ELOVL6: variants seen among roughly 807,000 people sequenced by gnomAD.
ELOVL6 encodes ELOVL fatty acid elongase 6.
In ELOVL6, 8 loss-of-function variants were observed where a neutral mutation model predicts 31.7. That is an observed-to-expected ratio of 0.25 (90% CI 0.15 to 0.45). ELOVL6 has a LOEUF of 0.45. Among genes scored for constraint, ELOVL6 ranks in the 20% least tolerant of loss-of-function variants. The pLI, the probability that ELOVL6 is intolerant of heterozygous loss-of-function variation, is 1.00. For missense variants in ELOVL6, 126 were observed against 326.4 expected, an observed-to-expected ratio of 0.39 and a Z score of 4.73; for synonymous variants, 101 against 117.7, an observed-to-expected ratio of 0.86 and a Z score of 0.92.
intron 1 of ELOVL6, among the ~76,000 whole-genome samples, chr4:110,195,594 G>A (rs1314701364): frequency 1.3e-5 from 2 of 152,048 alleles, no homozygotes; most frequent in East Asian, 3.9e-4. Flanking sequence ...CAAGGGAGGG[G>A]TAACAGCCAG....
At chr4:110,070,760 T>C (rs1259614906) in intron 2 of ELOVL6, among the ~76,000 whole-genome samples, 1 of 152,168 alleles carries the variant, frequency 6.6e-6, no homozygotes, top group Non-Finnish European at 1.5e-5. Context: ...TTCCTCTTTC[T>C]TCGGCCAGTA....
chr4:110,193,624 T>C (rs1470975313), intron 1 of ELOVL6, among the ~76,000 whole-genome samples: 3 of 151,998 alleles, frequency 2.0e-5, no homozygotes, highest in East Asian at 3.9e-4. Flanking sequence ...CAAAATAAAA[T>C]AAAATGTTTC....
At chr4:110,098,478 A>G (rs1756653273) in intron 2 of ELOVL6, among the ~76,000 whole-genome samples, 1 of 152,120 alleles carries the variant, frequency 6.6e-6, no homozygotes, top group Non-Finnish European at 1.5e-5. Context: ...CCATTTTGTA[A>G]TAACATGTTG....
rs1341836228 is a variant in ELOVL6 at position 110,084,580 on chromosome 4, ATATATATATTTTTTT to A, written c.221+20902_221+20916del. On this transcript the variant is annotated intron_variant, in intron 2 of 3. Coordinates refer to ENST00000302274, the MANE Select transcript of ELOVL6 (RefSeq NM_024090.3). ...CACACACAGATATATATATATATAT[ATATATATATTTTTTT>A]TTTTTTTTTTTTTTTTTGAGATGGA... Among the ~76,000 whole-genome samples, 17 of 55,326 alleles carry A rather than the reference ATATATATATTTTTTT, an allele frequency of 3.1e-4. 2 individuals are homozygous for A. Among genetic ancestry groups the A allele is most frequent in the African/African-American group, 1.8e-3 (13 of 7,270 alleles). The allele number at this position is 55,326 out of a possible 152,430, so 36.3% of individuals were successfully genotyped here.
chr4:110,123,057 A>G (rs549818476), intron 1 of ELOVL6, among the ~76,000 whole-genome samples: 10 of 152,214 alleles, frequency 6.6e-5, no homozygotes, highest in Non-Finnish European at 1.2e-4. Flanking sequence ...TACAGATTGT[A>G]TCTTACTCAA....
chr4:110,069,870 C>A (rs1291195391), intron 2 of ELOVL6, among the ~76,000 whole-genome samples: 1 of 152,088 alleles, frequency 6.6e-6, no homozygotes, highest in Non-Finnish European at 1.5e-5. Flanking sequence ...TCCTAGCTCC[C>A]CAGCTGTGGA....
Position 110,048,705 on chromosome 4 carries a change from TG to T in ELOVL6, c.*2632del, listed in dbSNP as rs1560795432. On this transcript the variant is annotated 3_prime_UTR_variant, in exon 4 of 4. Transcript: ENST00000302274. ...ATATTACCAAAATTTTGTTTTGTTT[TG>T]TTTTGTTTTAAAAAAAATGTGGCTT... The T allele has an allele frequency of 9.3e-6, 1 of 107,242 alleles. No individual in the cohort carries two copies. The highest frequency in any genetic ancestry group is 2.7e-4 in the East Asian group (1 of 3,656). The allele number at this position is 107,242 out of a possible 1,614,324, so 6.6% of individuals were successfully genotyped here.
At chr4:110,072,827 A>C (rs2126227726) in intron 2 of ELOVL6, among the ~76,000 whole-genome samples, 1 of 152,280 alleles carries the variant, frequency 6.6e-6, no homozygotes, top group South Asian at 2.1e-4. Context: ...CCTGTTCCTC[A>C]AAGGCAGCCT....
chr4:110,084,169 A>ATATATGATATATATAACATATAACT (rs1373698876), intron 2 of ELOVL6, among the ~76,000 whole-genome samples: 472 of 43,064 alleles, frequency 0.011, 50 homozygotes, highest in African/African-American at 0.055. Context: ...TATATGTGAT[A>ATATATGATATATATAACATATAACT]TATATGATAT....
intron 1 of ELOVL6, among the ~76,000 whole-genome samples, chr4:110,153,625 T>A (rs1758339261): frequency 6.6e-6 from 1 of 152,240 alleles, no homozygotes; most frequent in Non-Finnish European, 1.5e-5. Flanking sequence ...ACCCTTTATG[T>A]AAATCCCATT....
intron 2 of ELOVL6, among the ~76,000 whole-genome samples, chr4:110,099,714 G>A (rs1462741445): frequency 6.6e-6 from 1 of 152,180 alleles, no homozygotes; most frequent in Non-Finnish European, 1.5e-5. Flanking sequence ...AGAAAACACT[G>A]CCAGACAGGT....
At chr4:110,058,737 T>C (rs978799278) in intron 3 of ELOVL6, among the ~76,000 whole-genome samples, 2 of 152,178 alleles carry the variant, frequency 1.3e-5, no homozygotes, top group African/African-American at 2.4e-5. Flanking sequence ...TTGCAATTGA[T>C]ATCTTTTGAA....
intron 1 of ELOVL6, among the ~76,000 whole-genome samples, chr4:110,155,122 T>C (rs1162560721): frequency 6.6e-6 from 1 of 152,202 alleles, no homozygotes; most frequent in African/African-American, 2.4e-5. Flanking sequence ...TTAGCAAATT[T>C]GGGGCATAAC....
chr4:110,089,802 A>G lies in ELOVL6; in HGVS notation c.221+15695T>C, dbSNP rs1052563548. The stretch of plus-strand genomic sequence containing the variant: ...TTTAAGAGAGGCAGTGCTCCAACGG[A>G]AAGACCTCAGGGCTGCATAATCACA... On this transcript the variant is annotated intron_variant, in intron 2 of 3. Coordinates refer to ENST00000302274, the MANE Select transcript of ELOVL6 (RefSeq NM_024090.3). 3.3e-5 allele frequency among the ~76,000 whole-genome samples: 5 copies of G among 152,338 alleles called. No individual in the cohort carries two copies. In the East Asian group the frequency reaches 9.6e-4, roughly 29 times the overall value.
chr4:110,103,077 G>C (rs930979143), intron 2 of ELOVL6, among the ~76,000 whole-genome samples: 5 of 151,972 alleles, frequency 3.3e-5, no homozygotes, highest in African/African-American at 1.2e-4. Flanking sequence ...TTTTTCTCTT[G>C]CCTCTACCAT....
chr4:110,076,015 T>C (rs1457047005), intron 2 of ELOVL6, among the ~76,000 whole-genome samples: 1 of 152,182 alleles, frequency 6.6e-6, no homozygotes, highest in African/African-American at 2.4e-5. Context: ...CTGAAACAAT[T>C]TGACCAAAAC....
intron 3 of ELOVL6, among the ~76,000 whole-genome samples, chr4:110,052,150 T>C (rs994330122): frequency 2.0e-5 from 3 of 152,216 alleles, no homozygotes; most frequent in African/African-American, 7.2e-5. Context: ...AACTCAACTA[T>C]ACATTTTAGG....
intron 1 of ELOVL6, among the ~76,000 whole-genome samples, chr4:110,152,290 A>G (rs1211034695): frequency 6.6e-6 from 1 of 152,226 alleles, no homozygotes; most frequent in Non-Finnish European, 1.5e-5. Context: ...ACACGATCAG[A>G]GACAAAATGA....
chr4:110,088,588 T>C (rs1276535430), intron 2 of ELOVL6, among the ~76,000 whole-genome samples: 1 of 152,318 alleles, frequency 6.6e-6, no homozygotes, highest in South Asian at 2.1e-4. Flanking sequence ...CCTTAACATA[T>C]AGTATTTTTT....
Sources: allele counts gnomAD v4.1 joint callset (sites outside exome capture counted in the v4.1 genomes callset), GRCh38; gene constraint gnomAD v4.1.1; transcripts MANE v1.5; gene names NCBI Gene and HGNC (gene_info 2026-07-23, HGNC 2026-07-21).